FRYL: variants seen among roughly 807,000 people sequenced by gnomAD.
The protein encoded by FRYL is FRY like transcription coactivator, also known as protein furry homolog-like.
Under a neutral mutation model 351.2 loss-of-function variants are expected in FRYL, and 150 were observed. The ratio of observed to expected loss-of-function variants is 0.43; its 90% confidence interval spans 0.37 to 0.49. FRYL has a LOEUF of 0.49. Ranked by LOEUF, FRYL falls within the 20% of genes least tolerant of loss-of-function variation. The pLI, the probability that FRYL is intolerant of heterozygous loss-of-function variation, is 0.00. For missense variants in FRYL, 3,036 were observed against 3,619.3 expected (o/e 0.84, Z 4.13); for synonymous variants, 1,153 against 1,257.1 (o/e 0.92, Z 1.75).
intron 35 of FRYL, 151 bp downstream of exon 35, chr4:48,556,827 G>A: frequency 1.7e-6 from 1 of 576,338 alleles, no homozygotes; most frequent in East Asian, 2.9e-5. Flanking sequence ...CTGAATCAGT[G>A]AATAAATCCA....
intron 32 of FRYL, among the ~76,000 whole-genome samples, chr4:48,561,953 C>G (rs1041906274): frequency 6.6e-6 from 1 of 152,118 alleles, no homozygotes; most frequent in African/African-American, 2.4e-5. Context: ...GAGGTAGAGG[C>G]AGCAGTGAGC....
chr4:48,561,729 C>G, intron 32 of FRYL, 93 bp from the exon 33 acceptor site: 1 of 1,010,846 alleles, frequency 9.9e-7, no homozygotes, highest in Non-Finnish European at 1.4e-6. Flanking sequence ...AAACTCTTCT[C>G]CCCAGCTGAG....
At chr4:48,689,781 T>C (rs1248466397) in intron 2 of FRYL, among the ~76,000 whole-genome samples, 1 of 152,162 alleles carries the variant, frequency 6.6e-6, no homozygotes, top group Non-Finnish European at 1.5e-5. Flanking sequence ...CTTTGAAGAG[T>C]TGAGCCCTCC....
intron 47 of FRYL, among the ~76,000 whole-genome samples, chr4:48,536,741 G>A (rs1268294448): frequency 1.3e-5 from 2 of 152,126 alleles, no homozygotes; most frequent in African/African-American, 2.4e-5. Flanking sequence ...TCTTATGGAT[G>A]TTTTGTATGT....
Position 48,742,973 on chromosome 4 carries a change from A to ATTTTTTTTTTTTTTT in FRYL, c.-383-32290_-383-32276dup, listed in dbSNP as rs71191256. 1.5e-3 allele frequency among the ~76,000 whole-genome samples: 124 copies of ATTTTTTTTTTTTTTT among 81,712 alleles called. 15 individuals carry two copies. Among genetic ancestry groups the ATTTTTTTTTTTTTTT allele is most frequent in the East Asian group, 3.6e-3 (8 of 2,242 alleles). 53.6% of individuals were successfully genotyped at this position (81,712 alleles called of 152,430 possible). A position where few individuals can be genotyped will look rare whatever the true frequency, so the allele number is the denominator to read the frequency against. On this transcript the variant is annotated intron_variant, in intron 1 of 63. Coordinates refer to ENST00000358350, the MANE Select transcript of FRYL (RefSeq NM_015030.2). ...AGGTGTGCGCCACCACGCCTGGATA[A>ATTTTTTTTTTTTTTT]TTTTTTTTTTTTTTTTTTTTTTTTT...
At chr4:48,673,103 C>T (rs1418987000) in intron 3 of FRYL, among the ~76,000 whole-genome samples, 1 of 152,170 alleles carries the variant, frequency 6.6e-6, no homozygotes, top group Non-Finnish European at 1.5e-5. Context: ...ATTTATATCT[C>T]ATGAAGCCAT....
intron 23 of FRYL, 35 bp downstream of exon 23, chr4:48,578,938 T>C (rs755348069): frequency 5.2e-6 from 8 of 1,531,720 alleles, no homozygotes; most frequent in Non-Finnish European, 7.0e-6. Context: ...TGACAGTCTA[T>C]ACATTTTTAA....
chr4:48,637,634 C>G (rs894367415), intron 3 of FRYL: 1 of 151,966 alleles, frequency 6.6e-6, no homozygotes, highest in Non-Finnish European at 1.5e-5. Flanking sequence ...TATAAATCTA[C>G]TAAACTCTAA....
chr4:48,616,878 T>C (rs1749576117), intron 7 of FRYL, among the ~76,000 whole-genome samples: 1 of 152,166 alleles, frequency 6.6e-6, no homozygotes, highest in African/African-American at 2.4e-5. Context: ...TGTAGATATA[T>C]TACATTGTTT....
At position 48,711,285 on chromosome 4, in the gene FRYL, G is replaced by A. The variant is rs1578794997; in HGVS notation, c.-383-587C>T. Reference sequence around the variant, plus strand: ...GCATTGCCTCACTCGGGAAGCGCAAGGGGTCAGGGAGTTCCCTTTCCTAAT... The same window carrying A: ...GCATTGCCTCACTCGGGAAGCGCAAAGGGTCAGGGAGTTCCCTTTCCTAAT... On this transcript the variant is annotated intron_variant, in intron 1 of 63. Coordinates refer to ENST00000358350, the MANE Select transcript of FRYL (RefSeq NM_015030.2). 4.0e-5 allele frequency among the ~76,000 whole-genome samples: 6 copies of A among 151,826 alleles called. 1 individual carries two copies. The highest frequency in any genetic ancestry group is 1.4e-4 in the African/African-American group (6 of 41,484).
chr4:48,682,962 T>C (rs1764779501), intron 3 of FRYL, among the ~76,000 whole-genome samples: 2 of 152,210 alleles, frequency 1.3e-5, no homozygotes, highest in South Asian at 2.1e-4. Context: ...TAAAGACTCA[T>C]GCACACGTAT....
intron 1 of FRYL, among the ~76,000 whole-genome samples, chr4:48,759,253 C>T (rs2109362395): frequency 6.6e-6 from 1 of 152,026 alleles, no homozygotes; most frequent in Non-Finnish European, 1.5e-5. Context: ...AAGAAAGAAA[C>T]AGGCTTCTGA....
intron 13 of FRYL, chr4:48,598,917 A>G (rs1745150727): frequency 2.4e-6 from 2 of 819,976 alleles, no homozygotes; most frequent in Non-Finnish European, 2.9e-6. Context: ...CATGAGATGC[A>G]GCACATGCAT....
Position 48,579,230 on chromosome 4 carries a change from G to A in FRYL, c.2271C>T (p.Leu757=). 6.2e-7 allele frequency: 1 copy of A among 1,609,268 alleles called. No homozygotes were observed. Among genetic ancestry groups the A allele is most frequent in the Non-Finnish European group, 8.5e-7 (1 of 1,178,110 alleles). Residue 757 remains leucine (L), a synonymous_variant, in exon 23 of 64, where the codon CTC becomes CTT. Coordinates refer to ENST00000358350, the MANE Select transcript of FRYL (RefSeq NM_015030.2). The stretch of plus-strand genomic sequence containing the variant: ...GTAAATCTATCGAGCTAGGGCAATA[G>A]AGCAAAGTAGTCTATATGGAGAGGA... The part of the protein sequence containing the change: ...HLTGADQTTL[L]YCPSSIDLQT...
intron 27 of FRYL, among the ~76,000 whole-genome samples, chr4:48,569,725 G>A (rs534668420): frequency 3.3e-4 from 51 of 152,272 alleles, no homozygotes; most frequent in African/African-American, 1.2e-3. Context: ...AAAGGTGTTC[G>A]GTAAAATAAA....
chr4:48,736,081 A>T (rs1321624340), intron 1 of FRYL, among the ~76,000 whole-genome samples: 2 of 152,048 alleles, frequency 1.3e-5, no homozygotes, highest in Admixed American at 1.3e-4. Flanking sequence ...AAAAATCCCA[A>T]AATACTTGGA....
At position 48,515,209 on chromosome 4, in the gene FRYL, G is replaced by C. The variant is rs1344447062; in HGVS notation, c.7756C>G (p.Gln2586Glu). The C allele has an allele frequency of 6.2e-7, 1 of 1,612,708 alleles. No homozygotes were observed. Among genetic ancestry groups the C allele is most frequent in the African/African-American group, 1.3e-5 (1 of 74,952 alleles). The change falls in exon 56 of 64, where the codon CAA (glutamine) becomes GAA (glutamate). Residue 2586 changes from glutamine to glutamate, a missense_variant. Coordinates refer to ENST00000358350, the MANE Select transcript of FRYL (RefSeq NM_015030.2). Reference protein sequence around the residue: ...TFEDEGSYIIQEQQESLVCQG... With the variant: ...TFEDEGSYIIEEQQESLVCQG... ...CACACAAGAGATTCCTGCTGTTCTT[G>C]AATTATATAGGATCCTTCATCTTCA...
At chr4:48,702,015 C>T (rs1185469629) in intron 2 of FRYL, among the ~76,000 whole-genome samples, 2 of 152,172 alleles carry the variant, frequency 1.3e-5, no homozygotes, top group African/African-American at 4.8e-5. Flanking sequence ...AATGAGGTTA[C>T]TCCCAAAAGT....
Position 48,589,833 on chromosome 4 carries a change from T to C in FRYL, c.1552A>G (p.Ile518Val). Residue 518 changes from isoleucine to valine, a missense_variant, in exon 18 of 64, where the codon ATC (isoleucine) becomes GTC (valine). Physicochemically the swap from Ile to Val is conservative, Grantham distance 29. This residue lies in a region of FRYL where 78 missense variants were observed against 106.6 expected (regional missense o/e 0.73). Coordinates refer to ENST00000358350, the MANE Select transcript of FRYL (RefSeq NM_015030.2). The part of the protein sequence containing the change: ...YPQVRKALDS[I>V]LRHLDKEVGR... ...ACTTCTTTGTCCAAATGTCTGAGGA[T>C]GCTATCTAATGCTTTTCTTACTTGA... 6.2e-7 allele frequency: 1 copy of C among 1,613,658 alleles called. No individual in the cohort carries two copies. Among genetic ancestry groups the C allele is most frequent in the Non-Finnish European group, 8.5e-7 (1 of 1,179,600 alleles).
Sources: gnomAD v4.1 joint callset for allele counts (sites outside exome capture counted in the v4.1 genomes callset) on GRCh38, gnomAD v4.1.1 for gene constraint, gnomAD v4.1.1 regional missense constraint, MANE v1.5 for transcripts, NCBI Gene and HGNC (gene_info 2026-07-23, HGNC 2026-07-21) for gene names.